SLC24A2: variants seen among roughly 807,000 people sequenced by gnomAD.
The protein encoded by SLC24A2 is sodium/potassium/calcium exchanger 2.
In SLC24A2, 36 loss-of-function variants were observed where a neutral mutation model predicts 62.0. The ratio of observed to expected loss-of-function variants is 0.58; its 90% confidence interval spans 0.44 to 0.77. The LOEUF (loss-of-function observed/expected upper bound fraction) is 0.77, where lower values mean the gene tolerates loss of function less well. Among genes scored for constraint, SLC24A2 ranks in the 30% least tolerant of loss-of-function variants. The probability of loss-of-function intolerance (pLI) is 0.00; values close to 1 mark genes in which losing one functional copy is unlikely to be tolerated. For synonymous variants in SLC24A2, 358 were observed against 294.0 expected, an observed-to-expected ratio of 1.22 and a Z score of -2.23; for missense variants, 846 against 817.9, an observed-to-expected ratio of 1.03 and a Z score of -0.42.
chr9:20,020,591 G>A, the SLC24A2 span, among the ~76,000 whole-genome samples: 1 of 152,146 alleles, frequency 6.6e-6, no homozygotes, highest in Non-Finnish European at 1.5e-5. Flanking sequence ...GGCTAGGGGA[G>A]GGATAGCATT....
chr9:19,885,169 T>C, the SLC24A2 span, among the ~76,000 whole-genome samples: 1 of 152,134 alleles, frequency 6.6e-6, no homozygotes, highest in Non-Finnish European at 1.5e-5. Context: ...AGAAAAAAGT[T>C]CCTCAAGAAG....
At chr9:19,908,084 A>G in the SLC24A2 span, among the ~76,000 whole-genome samples, 5 of 152,232 alleles carry the variant, frequency 3.3e-5, no homozygotes, top group Non-Finnish European at 5.9e-5. Context: ...ACTTCAAACT[A>G]TACTACAAGG....
chr9:20,272,999 C>T, the SLC24A2 span, among the ~76,000 whole-genome samples: 2 of 152,164 alleles, frequency 1.3e-5, no homozygotes, highest in Admixed American at 6.5e-5. Flanking sequence ...AGGTCACATG[C>T]CCACATCCTG....
chr9:20,195,902 G>C, the SLC24A2 span, among the ~76,000 whole-genome samples: 5 of 151,804 alleles, frequency 3.3e-5, no homozygotes, highest in Non-Finnish European at 7.4e-5. Context: ...ACAAAAAAAA[G>C]GTTATATAAA....
intron 7 of SLC24A2, among the ~76,000 whole-genome samples, chr9:19,565,590 A>G (rs9696208): frequency 0.92 from 140,053 of 151,918 alleles, 64,643 homozygotes; most frequent in East Asian, 1. Context: ...ACCAATGAAT[A>G]ACTTTTTTCA....
intron 4 of SLC24A2, among the ~76,000 whole-genome samples, chr9:19,606,719 A>C (rs1123683): frequency 0.57 from 87,245 of 152,128 alleles, 25,471 homozygotes; most frequent in East Asian, 0.84. Context: ...AACAATGCTG[A>C]TTGACTCTTT....
chr9:20,053,172 G>T, the SLC24A2 span, among the ~76,000 whole-genome samples: 1 of 152,070 alleles, frequency 6.6e-6, no homozygotes, highest in African/African-American at 2.4e-5. Flanking sequence ...ACTTTCCTCT[G>T]CTTGCTTCTA....
At chr9:19,916,056 C>G in the SLC24A2 span, among the ~76,000 whole-genome samples, 1 of 151,934 alleles carries the variant, frequency 6.6e-6, no homozygotes, top group Non-Finnish European at 1.5e-5. Flanking sequence ...TTTTGGTAAG[C>G]CTTAGATCCG....
chr9:20,218,882 C>T, the SLC24A2 span, among the ~76,000 whole-genome samples: 3 of 152,054 alleles, frequency 2.0e-5, no homozygotes, highest in South Asian at 2.1e-4. Flanking sequence ...CAGGTGTCTG[C>T]GAGGAATGCA....
chr9:19,862,910 T>A, the SLC24A2 span, among the ~76,000 whole-genome samples: 5 of 151,422 alleles, frequency 3.3e-5, no homozygotes, highest in Non-Finnish European at 7.4e-5. Context: ...CTGAAAGGAA[T>A]ATAGGAAGGA....
At chr9:19,814,202 G>C in the SLC24A2 span, among the ~76,000 whole-genome samples, 1 of 152,128 alleles carries the variant, frequency 6.6e-6, no homozygotes, top group South Asian at 2.1e-4. Context: ...CACTGAGAAA[G>C]ATAATTATTT....
At chr9:20,126,485 C>T in the SLC24A2 span, among the ~76,000 whole-genome samples, 1 of 152,120 alleles carries the variant, frequency 6.6e-6, no homozygotes, top group African/African-American at 2.4e-5. Flanking sequence ...GTGGAAACAT[C>T]ACCATACATG....
chr9:20,306,588 G>A, the SLC24A2 span, among the ~76,000 whole-genome samples: 1 of 152,246 alleles, frequency 6.6e-6, no homozygotes, highest in Non-Finnish European at 1.5e-5. Context: ...CAGAGCCAGG[G>A]AGGTGGCACA....
At chr9:19,532,068 A>G (rs1412624630) in intron 8 of SLC24A2, among the ~76,000 whole-genome samples, 1 of 152,134 alleles carries the variant, frequency 6.6e-6, no homozygotes, top group African/African-American at 2.4e-5. Context: ...TTTGTGAATC[A>G]TCCCATATAC....
At chr9:20,200,692 G>C in the SLC24A2 span, among the ~76,000 whole-genome samples, 1 of 152,178 alleles carries the variant, frequency 6.6e-6, no homozygotes, top group Non-Finnish European at 1.5e-5. Flanking sequence ...AGCTTTATTA[G>C]CTTCATGGTA....
At chr9:19,903,596 C>G in the SLC24A2 span, among the ~76,000 whole-genome samples, 3 of 152,292 alleles carry the variant, frequency 2.0e-5, no homozygotes. Flanking sequence ...AGAAAAGAGA[C>G]AGAGGTAGAG....
At chr9:19,635,123 G>A (rs1413914949) in intron 2 of SLC24A2, among the ~76,000 whole-genome samples, 2 of 152,226 alleles carry the variant, frequency 1.3e-5, no homozygotes, top group African/African-American at 4.8e-5. Context: ...TGGAAAAGAT[G>A]TGCTCTGGAA....
intron 8 of SLC24A2, among the ~76,000 whole-genome samples, chr9:19,545,526 C>G (rs972398933): frequency 1.3e-5 from 2 of 152,056 alleles, no homozygotes; most frequent in Admixed American, 6.6e-5. Flanking sequence ...GAATTTTCAG[C>G]CTTTTTGCGC....
the SLC24A2 span, among the ~76,000 whole-genome samples, chr9:20,054,509 G>C: frequency 2.0e-5 from 3 of 152,010 alleles, no homozygotes; most frequent in Non-Finnish European, 4.4e-5. Flanking sequence ...GGTGATTTCT[G>C]AGATTTTGGT....
Sources: gnomAD v4.1 joint callset for allele counts (sites outside exome capture counted in the v4.1 genomes callset) on GRCh38, gnomAD v4.1.1 for gene constraint, MANE v1.5 for transcripts, NCBI Gene and HGNC (gene_info 2026-07-23, HGNC 2026-07-21) for gene names.